Variants in PNMA2 observed in about 807,000 individuals in gnomAD.
PNMA2 encodes paraneoplastic antigen Ma2.
For missense variants in PNMA2, 455 were observed against 452.9 expected (o/e 1.00, Z -0.04); for synonymous variants, 175 against 183.5 (o/e 0.95, Z 0.38).
In PNMA2 at chr8:26,509,879, GA is replaced by G. The variant is rs976669027; in HGVS notation, c.-618-203del. Among the ~76,000 whole-genome samples, 1 of 152,098 alleles carries G rather than the reference GA, an allele frequency of 6.6e-6. No individual in the cohort carries two copies. Among genetic ancestry groups the G allele is most frequent in the Non-Finnish European group, 1.5e-5 (1 of 68,008 alleles). ...TTTAATCTAGGTATAACAATTCAGG[GA>G]AAAAAATCTCAGGGCCGACTAAGTT... On this transcript the variant is annotated intron_variant, in intron 1 of 2. Transcript: ENST00000522362. The surrounding 1 kb of genome is among the most constrained non-coding windows in gnomAD (Gnocchi z 5.7).
intron 1 of PNMA2, among the ~76,000 whole-genome samples, chr8:26,510,597 T>A (rs1808134164): frequency 2.0e-5 from 3 of 151,802 alleles, no homozygotes; most frequent in Admixed American, 2.0e-4. Flanking sequence ...CACAGGCACA[T>A]GCCACCATGC....
At position 26,508,777 on chromosome 8, in the gene PNMA2, C is replaced by T; in HGVS notation, c.-22G>A. ...CCATTGTCCTAAGAATTGACCCACT[C>T]TGACTCTACAGGCACCAATTTGTTA... On this transcript the variant is annotated 5_prime_UTR_variant, in exon 3 of 3. Transcript: ENST00000522362. This position sits in a 1 kb window ranked among gnomAD's most constrained non-coding sequence, Gnocchi z 5.5. The T allele has an allele frequency of 1.3e-6, 2 of 1,589,588 alleles. No individual in the cohort carries two copies. The highest frequency in any genetic ancestry group is 1.3e-5 in the African/African-American group (1 of 74,290).
At chr8:26,512,269 G>A (rs367751411) in intron 1 of PNMA2, among the ~76,000 whole-genome samples, 1 of 152,192 alleles carries the variant, frequency 6.6e-6, no homozygotes, top group African/African-American at 2.4e-5. Flanking sequence ...ATGTAATTCA[G>A]TTGGAAGCGC....
At position 26,508,408 on chromosome 8, in the gene PNMA2, C is replaced by A; in HGVS notation, c.348G>T (p.Thr116=). The A allele has an allele frequency of 6.2e-7, 1 of 1,614,230 alleles. No individual in the cohort carries two copies. The highest frequency in any genetic ancestry group is 8.5e-7 in the Non-Finnish European group (1 of 1,180,032). ...LNLFLEKEGQ[T]VSGMFRALGQ... ...CCAGGGCTCGAAACATACCCGAGAC[C>A]GTCTGCCCCTCTTTTTCTAGAAACA... Residue 116 remains threonine (T), a synonymous_variant, in exon 3 of 3, where the codon ACG becomes ACT. Transcript: ENST00000522362. The surrounding 1 kb of genome is among the most constrained non-coding windows in gnomAD (Gnocchi z 5.5).
Position 26,506,095 on chromosome 8 carries a change from C to G in PNMA2, c.*1566G>C, listed in dbSNP as rs923398331. 6.6e-6 allele frequency: 1 copy of G among 152,174 alleles called. No homozygotes were observed. Among genetic ancestry groups the G allele is most frequent in the African/African-American group, 2.4e-5 (1 of 41,438 alleles). The allele number at this position is 152,174 out of a possible 1,614,324, so 9.4% of individuals were successfully genotyped here. On this transcript the variant is annotated 3_prime_UTR_variant, in exon 3 of 3. Transcript: ENST00000522362. The surrounding 1 kb of genome is among the most constrained non-coding windows in gnomAD (Gnocchi z 4.4). ...CTGCAGAGCACAATTTGAAAGTCAT[C>G]GTGATGGTAGAGGATGGACTAGTGT...
rs1392744622 is a variant in PNMA2 at position 26,509,361 on chromosome 8, T to A, written c.-488-118A>T. The A allele has an allele frequency of 6.6e-6, 1 of 152,514 alleles. No homozygotes were observed. Among genetic ancestry groups the A allele is most frequent in the Non-Finnish European group, 1.5e-5 (1 of 68,132 alleles). The allele number at this position is 152,514 out of a possible 1,614,324, so 9.4% of individuals were successfully genotyped here. A position where few individuals can be genotyped will look rare whatever the true frequency, so the allele number is the denominator to read the frequency against. ...GGTTCTGCTTTACACTGCGCTTGCA[T>A]TTGTCCCACTCTGTCAGACCCCTTC... On this transcript the variant is annotated intron_variant, in intron 2 of 2. Coordinates refer to ENST00000522362, the MANE Select transcript of PNMA2 (RefSeq NM_007257.6). The surrounding 1 kb of genome is among the most constrained non-coding windows in gnomAD (Gnocchi z 5.7).
chr8:26,510,589 C>T (rs1306523856), intron 1 of PNMA2, among the ~76,000 whole-genome samples: 2 of 151,804 alleles, frequency 1.3e-5, no homozygotes, highest in African/African-American at 4.8e-5. Flanking sequence ...CCTGGGACCA[C>T]AGGCACATGC....
chr8:26,508,558 T>C lies in PNMA2; in HGVS notation c.198A>G (p.Leu66=). ...FRKQENANAV[L]LELLEDTDVS... ...CATCAGTATCTTCCAGAAGCTCTAG[T>C]AAGACAGCATTGGCATTCTCCTGCT... Residue 66 remains leucine, a synonymous_variant, in exon 3 of 3, where the codon TTA becomes TTG. Coordinates refer to ENST00000522362, the MANE Select transcript of PNMA2 (RefSeq NM_007257.6). This position sits in a 1 kb window ranked among gnomAD's most constrained non-coding sequence, Gnocchi z 5.5. The C allele has an allele frequency of 2.5e-6, 4 of 1,614,246 alleles. No individual in the cohort carries two copies. The Admixed American group carries it at 5.0e-5, about 20-fold the overall frequency.
In PNMA2 at chr8:26,508,295, G is replaced by A; in HGVS notation, c.461C>T (p.Pro154Leu). 2 of 1,604,712 alleles carry A rather than the reference G, an allele frequency of 1.2e-6. No individual in the cohort carries two copies. The highest frequency in any genetic ancestry group is 2.2e-5 in the East Asian group (1 of 44,816). ...HLLGQAMAHA[P>L]QPLLPMRYRK... ...GTATCTCATGGGTAGCAGGGGCTGA[G>A]GCGCATGTGCCATTGCCTGTCCCAA... is the stretch of plus-strand genomic sequence containing the variant. The change falls in exon 3 of 3, where the codon CCT becomes CTT. Residue 154 changes from proline (P) to leucine (L), a missense_variant. Pro to Leu is a moderately conservative substitution (Grantham distance 98, BLOSUM62 -3). Transcript: ENST00000522362. The surrounding 1 kb of genome is among the most constrained non-coding windows in gnomAD (Gnocchi z 5.5).
rs1191610437 is a variant in PNMA2 at position 26,508,149 on chromosome 8, T to C, written c.607A>G (p.Lys203Glu). ...CGCAGGCTTTCCGCCAGCCACCTTTTCTTTTCTGCCTCTGTTACTGGCCAC... is the reference window on the plus strand; with the variant it reads ...CGCAGGCTTTCCGCCAGCCACCTTTCCTTTTCTGCCTCTGTTACTGGCCAC... The part of the protein sequence containing the change: ...KEWPVTEAEK[K>E]RWLAESLRGP... Residue 203 changes from lysine (K) to glutamate (E), a missense_variant, in exon 3 of 3, where the codon AAA (lysine) becomes GAA (glutamate). Transcript: ENST00000522362. The surrounding 1 kb of genome is among the most constrained non-coding windows in gnomAD (Gnocchi z 5.5). The C allele has an allele frequency of 3.1e-6, 5 of 1,614,246 alleles. No individual in the cohort carries two copies. The highest frequency in any genetic ancestry group is 4.5e-5 in the East Asian group (2 of 44,882).
chr8:26,513,388 G>GGCCCCCC, intron 1 of PNMA2, among the ~76,000 whole-genome samples: 1 of 141,102 alleles, frequency 7.1e-6, no homozygotes, highest in South Asian at 2.3e-4. Flanking sequence ...CATGTTGTGT[G>GGCCCCCC]CCCCCCCCCC....
intron 1 of PNMA2, among the ~76,000 whole-genome samples, chr8:26,512,218 A>G (rs1011026297): frequency 6.6e-6 from 1 of 152,198 alleles, no homozygotes; most frequent in Non-Finnish European, 1.5e-5. Flanking sequence ...AGCAGTGCTG[A>G]TAAGGCACGC....
intron 1 of PNMA2, among the ~76,000 whole-genome samples, chr8:26,511,291 G>T (rs950796177): frequency 3.3e-5 from 5 of 152,158 alleles, no homozygotes; most frequent in African/African-American, 1.2e-4. Flanking sequence ...CCACAGTGCT[G>T]TCCTGTAACT....
rs1405319091 is a variant in PNMA2 at position 26,507,169 on chromosome 8, C to T, written c.*492G>A. 1 of 152,328 alleles carries T rather than the reference C, an allele frequency of 6.6e-6. No homozygotes were observed. The highest frequency in any genetic ancestry group is 1.9e-4 in the East Asian group (1 of 5,206). The allele number at this position is 152,328 out of a possible 1,614,324, so 9.4% of individuals were successfully genotyped here. A position where few individuals can be genotyped will look rare whatever the true frequency, so the allele number is the denominator to read the frequency against. On this transcript the variant is annotated 3_prime_UTR_variant, in exon 3 of 3. Coordinates refer to ENST00000522362, the MANE Select transcript of PNMA2 (RefSeq NM_007257.6). ...AAGGGCCAGGCATGGCGGTTCATGCCTGTAATCCCAGCACTTTGGGAGGCC... is the reference window on the plus strand; with the variant it reads ...AAGGGCCAGGCATGGCGGTTCATGCTTGTAATCCCAGCACTTTGGGAGGCC...
Position 26,508,067 on chromosome 8 carries a change from A to G in PNMA2, c.689T>C (p.Val230Ala). 1 of 1,614,210 alleles carries G rather than the reference A, an allele frequency of 6.2e-7. No homozygotes were observed. The highest frequency in any genetic ancestry group is 8.5e-7 in the Non-Finnish European group (1 of 1,180,036). ...IVQADNPSIS[V>A]EECLEAFKQV... is the part of the protein sequence containing the mutation. The stretch of plus-strand genomic sequence containing the variant: ...CTTAAAGGCCTCCAAACACTCTTCT[A>G]CACTGATGGACGGGTTGTCTGCCTG... Residue 230 changes from valine (V) to alanine (A), a missense_variant, in exon 3 of 3, where the codon GTA becomes GCA. Coordinates refer to ENST00000522362, the MANE Select transcript of PNMA2 (RefSeq NM_007257.6). The surrounding 1 kb of genome is among the most constrained non-coding windows in gnomAD (Gnocchi z 5.5).
chr8:26,509,704 G>A lies in PNMA2; in HGVS notation c.-618-27C>T, dbSNP rs549173124. 1 of 152,268 alleles carries A rather than the reference G, an allele frequency of 6.6e-6. No homozygotes were observed. Among genetic ancestry groups the A allele is most frequent in the South Asian group, 2.1e-4 (1 of 4,822 alleles). The allele number at this position is 152,268 out of a possible 1,614,324, so 9.4% of individuals were successfully genotyped here. ...TGTTACACATAAACAATAAGAACAG[G>A]TATTTATGCTTCATTAATATTCAGT... On this transcript the variant is annotated intron_variant, in intron 1 of 2. Transcript: ENST00000522362. This position sits in a 1 kb window ranked among gnomAD's most constrained non-coding sequence, Gnocchi z 5.7.
rs908734063 is a variant in PNMA2, at chr8:26,507,534, G to A, written c.*127C>T. ...AGAGAAGGAGAGAAGGAGGAAGGGA[G>A]GGAAGGAAGGAAGGAAGGAAGGTCA... is the stretch of plus-strand genomic sequence containing the variant. On this transcript the variant is annotated 3_prime_UTR_variant, in exon 3 of 3. Transcript: ENST00000522362. 1.2e-5 allele frequency: 9 copies of A among 748,366 alleles called. No individual in the cohort carries two copies. Among genetic ancestry groups the A allele is most frequent in the African/African-American group, 1.1e-4 (6 of 56,666 alleles). 46.4% of individuals were successfully genotyped at this position (748,366 alleles called of 1,614,324 possible).
intron 1 of PNMA2, chr8:26,511,678 G>A (rs1808156583): frequency 6.6e-6 from 1 of 152,348 alleles, no homozygotes; most frequent in Non-Finnish European, 1.5e-5. Flanking sequence ...GGAGGCTGAG[G>A]AGGGAGGACT....
chr8:26,507,431 C>A lies in PNMA2; in HGVS notation c.*230G>T. ...TCTAGCCTGGGTGATGAGAGTGAGACCCAAGAAATAAAGAAGAAAGAGAAA... is the reference window on the plus strand; with the variant it reads ...TCTAGCCTGGGTGATGAGAGTGAGAACCAAGAAATAAAGAAGAAAGAGAAA... On this transcript the variant is annotated 3_prime_UTR_variant, in exon 3 of 3. Transcript: ENST00000522362. 1 of 417,034 alleles carries A rather than the reference C, an allele frequency of 2.4e-6. No homozygotes were observed. The highest frequency in any genetic ancestry group is 4.1e-6 in the Non-Finnish European group (1 of 242,178). 25.8% of individuals were successfully genotyped at this position (417,034 alleles called of 1,614,324 possible). A position where few individuals can be genotyped will look rare whatever the true frequency, so the allele number is the denominator to read the frequency against.
Sources: allele counts gnomAD v4.1 joint callset (sites outside exome capture counted in the v4.1 genomes callset), GRCh38; gene constraint gnomAD v4.1.1; non-coding constraint Gnocchi (gnomAD v3.1); transcripts MANE v1.5; gene names NCBI Gene and HGNC (gene_info 2026-07-23, HGNC 2026-07-21).